Variants in PPA1 observed in about 807,000 individuals in gnomAD.
PPA1 encodes the protein inorganic pyrophosphatase 1.
A neutral mutation model predicts 41.8 loss-of-function variants in PPA1; 23 were observed. The observed-to-expected ratio is 0.55, with a 90% confidence interval of 0.40 to 0.78. The LOEUF (loss-of-function observed/expected upper bound fraction) is 0.78. Ranked by LOEUF, PPA1 falls within the 30% of genes least tolerant of loss-of-function variation. PPA1 has a pLI of 0.00. For missense variants in PPA1, 320 were observed against 361.6 expected (o/e 0.89, Z 0.93); for synonymous variants, 101 against 116.8 (o/e 0.86, Z 0.87).
intron 1 of PPA1, among the ~76,000 whole-genome samples, chr10:70,232,640 T>G (rs1365083619): frequency 2.6e-5 from 4 of 152,108 alleles, no homozygotes; most frequent in Non-Finnish European, 4.4e-5. Flanking sequence ...TTCTGTTTCA[T>G]AAGGAGCATT....
intron 1 of PPA1, 106 bp from the exon 2 acceptor site, chr10:70,230,505 A>T (rs1470511934): frequency 1.7e-6 from 2 of 1,153,552 alleles, no homozygotes; most frequent in Non-Finnish European, 1.2e-6. Flanking sequence ...TCTGTCACCC[A>T]GGATGGTGTG....
chr10:70,206,316 G>A lies in PPA1; in HGVS notation c.743C>T (p.Ser248Phe). 6.2e-7 allele frequency: 1 copy of A among 1,612,272 alleles called. No homozygotes were observed. The change falls in exon 9 of 11, where the codon TCT (serine) becomes TTT (phenylalanine). Residue 248 changes from serine to phenylalanine, a missense_variant. Physicochemically the swap from Ser to Phe is radical, Grantham distance 155. Transcript: ENST00000373232. ...KGISCMNTTL[S>F]ESPFKCDPDA... ...AGGATCACACTTGAAGGGGCTCTCA[G>A]ACAAAGTTGTATTCATGCTATTAAA...
Position 70,203,191 on chromosome 10 carries a change from A to G in PPA1, c.839-5T>C. The G allele has an allele frequency of 1.2e-6, 2 of 1,605,134 alleles. No individual in the cohort carries two copies. Among genetic ancestry groups the G allele is most frequent in the South Asian group, 2.2e-5 (2 of 90,316 alleles). On this transcript the variant is annotated splice_polypyrimidine_tract_variant and splice_region_variant and intron_variant, in intron 10 of 10. Transcript: ENST00000373232. ...GGTGATGGAACCACTTATCCACTGT[A>G]TTCAGAGAAAAGAAAAACAAATTAG...
At chr10:70,213,716 A>G in intron 5 of PPA1, 127 bp from the exon 6 acceptor site, 1 of 1,188,994 alleles carries the variant, frequency 8.4e-7, no homozygotes, top group Non-Finnish European at 1.1e-6. Flanking sequence ...TTGTTCCTTT[A>G]AGCAAATTTT....
intron 2 of PPA1, among the ~76,000 whole-genome samples, chr10:70,226,906 C>A (rs1418877373): frequency 1.3e-5 from 2 of 152,062 alleles, no homozygotes; most frequent in Admixed American, 6.6e-5. Flanking sequence ...CTTCTATACG[C>A]TCCCAACAAT....
Position 70,230,373 on chromosome 10 carries a change from G to A in PPA1, c.91C>T (p.Pro31Ser), listed in dbSNP as rs1255320697. ...LKNEKGQYIS[P>S]FHDIPIYADK... ...GCATAAATTGGAATATCATGAAATG[G>A]AGATATATATTGTCCTTTCTCATTT... Residue 31 changes from proline to serine, a missense_variant, in exon 2 of 11, where the codon CCA becomes TCA. By Grantham distance (74) the Pro-to-Ser change is moderately conservative. Transcript: ENST00000373232. 8 of 1,612,750 alleles carry A rather than the reference G, an allele frequency of 5.0e-6. No individual in the cohort carries two copies. Among genetic ancestry groups the A allele is most frequent in the Non-Finnish European group, 6.8e-6 (8 of 1,179,354 alleles).
At chr10:70,228,338 A>G (rs1840254917) in intron 2 of PPA1, among the ~76,000 whole-genome samples, 1 of 152,188 alleles carries the variant, frequency 6.6e-6, no homozygotes, top group Non-Finnish European at 1.5e-5. Flanking sequence ...ATCTATGATC[A>G]TTCTGGTCCT....
chr10:70,204,876 C>G lies in PPA1; in HGVS notation c.835G>C (p.Asp279His). Residue 279 changes from aspartate to histidine, a missense_variant, in exon 10 of 11, where the codon GAC becomes CAC. Asp to His is a moderately conservative substitution (Grantham distance 81, BLOSUM62 -1). Transcript: ENST00000373232. ...PCESACTVPT[D>H]VDKWFHHQKN ...TTTACTGGAATAGAAATCTTACCGTCTGTTGGTACTGTGCAGGCAGATTCA... is the reference window on the plus strand; with the variant it reads ...TTTACTGGAATAGAAATCTTACCGTGTGTTGGTACTGTGCAGGCAGATTCA... The G allele has an allele frequency of 6.3e-7, 1 of 1,591,048 alleles. No individual in the cohort carries two copies. Among genetic ancestry groups the G allele is most frequent in the Non-Finnish European group, 8.6e-7 (1 of 1,164,562 alleles).
At chr10:70,208,692 TTTG>T (rs1324291519) in intron 8 of PPA1, among the ~76,000 whole-genome samples, 2 of 152,144 alleles carry the variant, frequency 1.3e-5, no homozygotes, top group Non-Finnish European at 2.9e-5. Flanking sequence ...TTTTCTTCTG[TTTG>T]TTGGAAGGAC....
intron 2 of PPA1, among the ~76,000 whole-genome samples, chr10:70,226,980 G>A (rs1840236451): frequency 6.6e-6 from 1 of 152,122 alleles, no homozygotes; most frequent in African/African-American, 2.4e-5. Flanking sequence ...TTTAAGATAT[G>A]GAATAGAAAA....
intron 6 of PPA1, among the ~76,000 whole-genome samples, chr10:70,210,608 T>C (rs1196433748): frequency 1.3e-5 from 2 of 152,092 alleles, no homozygotes; most frequent in Non-Finnish European, 2.9e-5. Flanking sequence ...CTCAATGTTA[T>C]CAAACTGCAC....
chr10:70,221,056 A>G (rs370129274), intron 2 of PPA1, among the ~76,000 whole-genome samples: 1 of 31,940 alleles, frequency 3.1e-5, no homozygotes, highest in African/African-American at 3.1e-4. Flanking sequence ...TATATATATA[A>G]TTTATATATA....
rs146712165 is a variant in PPA1 at position 70,216,943 on chromosome 10, G to A, written c.297+869C>T. 3.0e-3 allele frequency among the ~76,000 whole-genome samples: 455 copies of A among 152,230 alleles called. 4 individuals are homozygous for A. The highest frequency in any genetic ancestry group is 9.9e-3 in the African/African-American group (410 of 41,534). ...CCAGCACTTTGGGAGGCCAAGGCAG[G>A]CGGATCACAGGTCAGGAGATCGAGA... On this transcript the variant is annotated intron_variant, in intron 4 of 10. Coordinates refer to ENST00000373232, the MANE Select transcript of PPA1 (RefSeq NM_021129.4).
intron 6 of PPA1, among the ~76,000 whole-genome samples, chr10:70,211,819 G>A (rs868017138): frequency 1.3e-5 from 2 of 152,164 alleles, no homozygotes; most frequent in Middle Eastern, 3.2e-3. Context: ...ATGCACACAC[G>A]GACCAACAGA....
At chr10:70,210,233 C>T (rs12412466) in intron 6 of PPA1, 46,752 of 454,598 alleles carry the variant, frequency 0.1, 2,659 homozygotes, top group Middle Eastern at 0.18. Flanking sequence ...AGCATGCACA[C>T]GCCCAGCTAA....
intron 2 of PPA1, among the ~76,000 whole-genome samples, chr10:70,223,945 T>C (rs1318772424): frequency 6.6e-6 from 1 of 152,192 alleles, no homozygotes; most frequent in Non-Finnish European, 1.5e-5. Flanking sequence ...GTCATTGCTC[T>C]GGCATCAGAG....
rs1469708465 is a variant in PPA1 at position 70,218,747 on chromosome 10, G to A, written c.177+17C>T. 6.3e-7 allele frequency: 1 copy of A among 1,588,644 alleles called. No individual in the cohort carries two copies. ...CCAATATCCTAAGTCTGACTCAAAT[G>A]TAAGGTGAAATATTACCTCCATTTT... is the stretch of plus-strand genomic sequence containing the variant. On this transcript the variant is annotated intron_variant, in intron 3 of 10. Transcript: ENST00000373232.
intron 5 of PPA1, 29 bp from the exon 6 acceptor site, chr10:70,213,618 A>C (rs1840046931): frequency 6.2e-7 from 1 of 1,610,392 alleles, no homozygotes; most frequent in Admixed American, 1.7e-5. Context: ...AGTCAGGACA[A>C]CATTACAGAA....
At chr10:70,225,062 A>C (rs1589897996) in intron 2 of PPA1, among the ~76,000 whole-genome samples, 1 of 152,278 alleles carries the variant, frequency 6.6e-6, no homozygotes, top group East Asian at 1.9e-4. Context: ...GGATTTGGTA[A>C]ATTCGATGAA....
Sources: gnomAD v4.1 joint callset for allele counts (sites outside exome capture counted in the v4.1 genomes callset) on GRCh38, gnomAD v4.1.1 for gene constraint, MANE v1.5 for transcripts, NCBI Gene and HGNC (gene_info 2026-07-23, HGNC 2026-07-21) for gene names.